The following SHISAL1 variants were observed in gnomAD, a reference collection of about 807,000 sequenced individuals.
The protein encoded by SHISAL1 is shisa like 1, also known as protein shisa-like-1.
In SHISAL1, 9 loss-of-function variants were observed where a neutral mutation model predicts 22.6. That is an observed-to-expected ratio of 0.40 (90% CI 0.24 to 0.70). The LOEUF (loss-of-function observed/expected upper bound fraction) is 0.70, where lower values mean the gene tolerates loss of function less well. SHISAL1 is among the 30% of genes least tolerant of loss of function. The probability of loss-of-function intolerance (pLI) is 0.39; values close to 1 mark genes in which losing one functional copy is unlikely to be tolerated. For missense variants in SHISAL1, 246 were observed against 270.6 expected (o/e 0.91, Z 0.64); for synonymous variants, 119 against 115.4 (o/e 1.03, Z -0.20).
At chr22:44,281,546 T>C (rs1416434289) in intron 4 of SHISAL1, among the ~76,000 whole-genome samples, 2 of 152,136 alleles carry the variant, frequency 1.3e-5, no homozygotes, top group Non-Finnish European at 2.9e-5. Context: ...AGAGGCTCTC[T>C]ACGCCTGGGA....
intron 4 of SHISAL1, among the ~76,000 whole-genome samples, chr22:44,257,557 A>G (rs930797836): frequency 6.6e-6 from 1 of 152,094 alleles, no homozygotes; most frequent in Admixed American, 6.6e-5. Flanking sequence ...TTTCCACTCA[A>G]TTTTTCTGTA....
In SHISAL1 at chr22:44,271,973, C is replaced by T. The variant is rs374491296; in HGVS notation, c.599+13455G>A. Among the ~76,000 whole-genome samples, 14 of 152,340 alleles carry T rather than the reference C, an allele frequency of 9.2e-5. 1 individual carries two copies. In the South Asian group the frequency reaches 2.7e-3, roughly 29 times the overall value. On this transcript the variant is annotated intron_variant, in intron 4 of 4. Coordinates refer to ENST00000381176, the MANE Select transcript of SHISAL1 (RefSeq NM_001099294.2). The stretch of plus-strand genomic sequence containing the variant: ...ACGCAAGCTGGCATCTTTGTTTGCA[C>T]AGTAGTTGCTGCGTTAGGGCATTTT...
chr22:44,267,083 G>A (rs2055169347), intron 4 of SHISAL1, among the ~76,000 whole-genome samples: 1 of 152,078 alleles, frequency 6.6e-6, no homozygotes. Flanking sequence ...GGATGGGGAC[G>A]TGGGCACTGC....
chr22:44,277,836 G>A (rs948703638), intron 4 of SHISAL1, among the ~76,000 whole-genome samples: 9 of 152,210 alleles, frequency 5.9e-5, no homozygotes, highest in Non-Finnish European at 1.2e-4. Flanking sequence ...TCACACGAGA[G>A]GCTCGACGGG....
At chr22:44,263,061 G>T (rs187734645) in intron 4 of SHISAL1, among the ~76,000 whole-genome samples, 17 of 112,554 alleles carry the variant, frequency 1.5e-4, no homozygotes, top group Non-Finnish European at 2.7e-4. Context: ...GAGCCTTCAC[G>T]TATTTTTTTC....
At chr22:44,270,768 C>T (rs543624627) in intron 4 of SHISAL1, among the ~76,000 whole-genome samples, 1 of 152,330 alleles carries the variant, frequency 6.6e-6, no homozygotes, top group South Asian at 2.1e-4. Context: ...CCTGGCTCTG[C>T]CCAGTGAGAC....
intron 1 of SHISAL1, among the ~76,000 whole-genome samples, chr22:44,306,545 GCA>G (rs1365226282): frequency 9.0e-6 from 1 of 110,924 alleles, no homozygotes; most frequent in Admixed American, 9.4e-5. Flanking sequence ...GATGACGATG[GCA>G]TGTGTGGAGG....
chr22:44,260,904 G>A (rs956343740), intron 4 of SHISAL1, among the ~76,000 whole-genome samples: 7 of 151,962 alleles, frequency 4.6e-5, no homozygotes, highest in Non-Finnish European at 7.4e-5. Context: ...GGGCAATGTG[G>A]CTTCGGTCAC....
chr22:44,271,887 G>T (rs908839067), intron 4 of SHISAL1, among the ~76,000 whole-genome samples: 3 of 152,214 alleles, frequency 2.0e-5, no homozygotes, highest in African/African-American at 7.2e-5. Flanking sequence ...AGCTGGAGGC[G>T]TATTCACGAG....
rs73888941 is a variant in SHISAL1, at chr22:44,256,451, G to A, written c.*-6766C>T. Among the ~76,000 whole-genome samples, 1,445 of 152,168 alleles carry A rather than the reference G, an allele frequency of 9.5e-3. 24 individuals are homozygous for A. The highest frequency in any genetic ancestry group is 0.033 in the African/African-American group (1,385 of 41,514). ...TGTGCCTTCATGTGTGTCTATATGC[G>A]ACTGGTTCTGTTTCTCTGGAACACA... On this transcript the variant is annotated intron_variant, in intron 4 of 4. Coordinates refer to ENST00000381176, the MANE Select transcript of SHISAL1 (RefSeq NM_001099294.2).
At chr22:44,278,443 A>C (rs957134317) in intron 4 of SHISAL1, among the ~76,000 whole-genome samples, 2 of 152,232 alleles carry the variant, frequency 1.3e-5, no homozygotes, top group African/African-American at 4.8e-5. Flanking sequence ...TCCAGCAAGC[A>C]GGGGCACCTT....
chr22:44,306,112 G>A (rs1392669633), intron 1 of SHISAL1, among the ~76,000 whole-genome samples: 12 of 152,234 alleles, frequency 7.9e-5, no homozygotes, highest in South Asian at 4.1e-4. Flanking sequence ...AGGCCTTGGG[G>A]ACCAGCCAGC....
At chr22:44,270,180 C>T (rs1358834738) in intron 4 of SHISAL1, among the ~76,000 whole-genome samples, 1 of 152,194 alleles carries the variant, frequency 6.6e-6, no homozygotes, top group African/African-American at 2.4e-5. Context: ...TCCATATTTC[C>T]CTTAAACGAA....
chr22:44,267,767 G>C (rs763936440), intron 4 of SHISAL1, among the ~76,000 whole-genome samples: 3 of 152,226 alleles, frequency 2.0e-5, no homozygotes, highest in African/African-American at 7.2e-5. Context: ...GCCTCTGCAC[G>C]TGCTATTTCC....
chr22:44,302,393 G>A (rs1039668612), intron 1 of SHISAL1, among the ~76,000 whole-genome samples: 43 of 149,678 alleles, frequency 2.9e-4, no homozygotes, highest in African/African-American at 1.0e-3. Context: ...TAAGTTCTCT[G>A]TAATGTATAT....
chr22:44,319,148 G>A, the SHISAL1 span, among the ~76,000 whole-genome samples: 2 of 152,252 alleles, frequency 1.3e-5, no homozygotes, highest in Non-Finnish European at 2.9e-5. Context: ...CCCTGGCCTC[G>A]CACGCGGTGG....
upstream of SHISAL1, among the ~76,000 whole-genome samples, chr22:44,313,741 C>T (rs1347171521): frequency 6.6e-6 from 1 of 152,244 alleles, no homozygotes; most frequent in African/African-American, 2.4e-5. Flanking sequence ...TGGCGGCGCC[C>T]TTGGCTGGCT....
chr22:44,323,395 AT>A, the SHISAL1 span, among the ~76,000 whole-genome samples: 2 of 143,492 alleles, frequency 1.4e-5, no homozygotes, highest in African/African-American at 2.7e-5. Context: ...CCATCCACCC[AT>A]TCATCCATCC....
chr22:44,305,522 C>T (rs552068363), intron 1 of SHISAL1, among the ~76,000 whole-genome samples: 1 of 152,222 alleles, frequency 6.6e-6, no homozygotes, highest in African/African-American at 2.4e-5. Context: ...TGTGAGACAA[C>T]GTGGTTCTAG....
Sources: gnomAD v4.1 joint callset for allele counts (sites outside exome capture counted in the v4.1 genomes callset) on GRCh38, gnomAD v4.1.1 for gene constraint, MANE v1.5 for transcripts, NCBI Gene and HGNC (gene_info 2026-07-23, HGNC 2026-07-21) for gene names.